EPB41L3: variants seen among roughly 807,000 people sequenced by gnomAD.
The protein encoded by EPB41L3 is band 4.1-like protein 3.
Under a neutral mutation model 127.1 loss-of-function variants are expected in EPB41L3, and 57 were observed. The ratio of observed to expected loss-of-function variants is 0.45; its 90% CI spans 0.36 to 0.56. EPB41L3 has a LOEUF of 0.56. EPB41L3 is among the 20% of genes least tolerant of loss of function. The pLI, the probability that EPB41L3 is intolerant of heterozygous loss-of-function variation, is 0.00. For missense variants in EPB41L3, 1,273 were observed against 1,372.2 expected (o/e 0.93, Z 1.14); for synonymous variants, 572 against 549.5 (o/e 1.04, Z -0.57).
At chr18:5,594,477 A>G (rs973756654) in intron 3 of EPB41L3, among the ~76,000 whole-genome samples, 2 of 152,208 alleles carry the variant, frequency 1.3e-5, no homozygotes, top group Admixed American at 6.5e-5. Context: ...TTGCATTGTA[A>G]TAAAATATAC....
At chr18:5,592,377 G>A (rs1187882629) in intron 3 of EPB41L3, among the ~76,000 whole-genome samples, 1 of 152,184 alleles carries the variant, frequency 6.6e-6, no homozygotes, top group African/African-American at 2.4e-5. Context: ...ATGTTGGTCA[G>A]GCTGGTTTCG....
At chr18:5,593,807 T>C (rs563258682) in intron 3 of EPB41L3, among the ~76,000 whole-genome samples, 7 of 152,334 alleles carry the variant, frequency 4.6e-5, no homozygotes, top group South Asian at 4.1e-4. Flanking sequence ...AGGGATGTTC[T>C]TTGCTGAGAA....
intron 1 of EPB41L3, chr18:5,540,264 C>T: frequency 2.4e-6 from 2 of 823,354 alleles, no homozygotes; most frequent in Non-Finnish European, 2.9e-6. Context: ...AAAAACGTCT[C>T]CTTCCTTACT....
chr18:5,431,316 T>A (rs542594669), intron 8 of EPB41L3: 53 of 152,362 alleles, frequency 3.5e-4, no homozygotes, highest in African/African-American at 1.2e-3. Context: ...AAGCGAGGCA[T>A]CTCGCTCATA....
At chr18:5,529,061 AG>A (rs998023911) in intron 1 of EPB41L3, 4 of 152,232 alleles carry the variant, frequency 2.6e-5, no homozygotes, top group African/African-American at 7.2e-5. Flanking sequence ...GAGCATATTA[AG>A]GGAATTAAAC....
intron 9 of EPB41L3, among the ~76,000 whole-genome samples, chr18:5,426,236 G>T (rs73937125): frequency 6.6e-6 from 1 of 152,206 alleles, no homozygotes; most frequent in African/African-American, 2.4e-5. Context: ...TCCTTCCTAT[G>T]CAAGAGTTAC....
chr18:5,489,337 G>T (rs1162833830), intron 1 of EPB41L3, 143 bp from the exon 2 acceptor site: 1 of 896,368 alleles, frequency 1.1e-6, no homozygotes, highest in Non-Finnish European at 1.6e-6. Flanking sequence ...CCACACACTG[G>T]ACAGATGACT....
At chr18:5,453,449 T>C in intron 3 of EPB41L3, among the ~76,000 whole-genome samples, 1 of 152,150 alleles carries the variant, frequency 6.6e-6, no homozygotes, top group Non-Finnish European at 1.5e-5. Flanking sequence ...TCAGGATGCA[T>C]GCATGCATTT....
chr18:5,458,321 T>C (rs567058769), intron 3 of EPB41L3, among the ~76,000 whole-genome samples: 3 of 152,332 alleles, frequency 2.0e-5, no homozygotes, highest in African/African-American at 7.2e-5. Flanking sequence ...ACTTCTCAAA[T>C]TTTCCCCAAG....
At chr18:5,589,524 A>G (rs994158276) in intron 3 of EPB41L3, among the ~76,000 whole-genome samples, 1 of 152,194 alleles carries the variant, frequency 6.6e-6, no homozygotes, top group African/African-American at 2.4e-5. Context: ...GGCACACTTA[A>G]TTGTGTTTAG....
chr18:5,553,056 CAG>C (rs759080013), intron 3 of EPB41L3, among the ~76,000 whole-genome samples: 1 of 152,088 alleles, frequency 6.6e-6, no homozygotes, highest in South Asian at 2.1e-4. Flanking sequence ...AGAAGAGAAA[CAG>C]AGTTAAGAAA....
intron 1 of EPB41L3, among the ~76,000 whole-genome samples, chr18:5,504,157 G>A (rs2091966587): frequency 6.6e-6 from 1 of 152,182 alleles, no homozygotes; most frequent in Non-Finnish European, 1.5e-5. Flanking sequence ...GCTACCTTCA[G>A]TTTCAGCCTT....
chr18:5,408,350 T>C (rs2075767128), intron 14 of EPB41L3, among the ~76,000 whole-genome samples: 1 of 150,270 alleles, frequency 6.7e-6, no homozygotes, highest in African/African-American at 2.5e-5. Flanking sequence ...CTCGGCTCAC[T>C]GCAACCTCCA....
intron 3 of EPB41L3, among the ~76,000 whole-genome samples, chr18:5,460,837 G>C (rs2083873699): frequency 1.3e-5 from 2 of 152,064 alleles, no homozygotes; most frequent in Admixed American, 1.3e-4. Context: ...CCTCATGCTT[G>C]GCTTCCTACT....
chr18:5,571,050 CTTTGAAAT>C (rs2094273961), intron 3 of EPB41L3: 1 of 152,052 alleles, frequency 6.6e-6, no homozygotes, highest in Admixed American at 6.5e-5. Flanking sequence ...ATGTGCATTG[CTTTGAAAT>C]TTTGAAATGG....
At chr18:5,454,190 GT>G (rs1423857166) in intron 3 of EPB41L3, among the ~76,000 whole-genome samples, 17 of 117,592 alleles carry the variant, frequency 1.4e-4, no homozygotes, top group African/African-American at 4.4e-4. Context: ...CGGAGAGTGT[GT>G]TTTTTTTTTG....
At chr18:5,594,393 AAGTT>A (rs2094517182) in intron 3 of EPB41L3, among the ~76,000 whole-genome samples, 1 of 152,200 alleles carries the variant, frequency 6.6e-6, no homozygotes, top group Non-Finnish European at 1.5e-5. Flanking sequence ...ACACAAAGTA[AAGTT>A]ATTGAATATT....
At chr18:5,603,190 A>G (rs1380796027) in intron 3 of EPB41L3, among the ~76,000 whole-genome samples, 1 of 152,208 alleles carries the variant, frequency 6.6e-6, no homozygotes, top group Admixed American at 6.5e-5. Context: ...AAGATAAGGT[A>G]GAAAAAACAA....
intron 3 of EPB41L3, among the ~76,000 whole-genome samples, chr18:5,452,606 C>A (rs181963101): frequency 7.2e-5 from 11 of 152,176 alleles, no homozygotes; most frequent in African/African-American, 2.4e-4. Flanking sequence ...GACATTCATT[C>A]CAACACATTT....
Sources: allele counts gnomAD v4.1 joint callset (sites outside exome capture counted in the v4.1 genomes callset), GRCh38; gene constraint gnomAD v4.1.1; transcripts MANE v1.5; gene names NCBI Gene and HGNC (gene_info 2026-07-23, HGNC 2026-07-21).